Variants in TBC1D30 observed in about 807,000 individuals in gnomAD.
TBC1D30 encodes TBC1 domain family, member 30.
Under a neutral mutation model 63.2 loss-of-function variants are expected in TBC1D30, and 31 were observed. The ratio of observed to expected loss-of-function variants is 0.49; its 90% CI spans 0.37 to 0.66. TBC1D30 has a LOEUF of 0.66. Among genes scored for constraint, TBC1D30 ranks in the 30% least tolerant of loss-of-function variants. The pLI, the probability that TBC1D30 is intolerant of heterozygous loss-of-function variation, is 0.00. For synonymous variants in TBC1D30, 307 were observed against 361.5 expected, an observed-to-expected ratio of 0.85 and a Z score of 1.71; for missense variants, 810 against 953.6, an observed-to-expected ratio of 0.85 and a Z score of 1.98.
In TBC1D30 at chr12:64,824,995, C is replaced by T. The variant is rs1198674124; in HGVS notation, c.116C>T (p.Ser39Phe). The change falls in exon 1 of 12, where the codon TCC (serine) becomes TTC (phenylalanine). Residue 39 changes from serine (S) to phenylalanine (F), a missense_variant. Ser to Phe is a radical substitution (Grantham distance 155, BLOSUM62 -2). Around this residue, in one of 4 missense-constraint regions of TBC1D30, gnomAD observed 272 missense variants for 335.9 expected, o/e 0.81. Transcript: ENST00000539867. ...SNVLKKRSCI[S>F]RTAPRLLCTL... is the part of the protein sequence containing the mutation. The stretch of plus-strand genomic sequence containing the variant: ...GTGCTCAAGAAGCGCAGCTGCATTT[C>T]CCGGACCGCGCCCCGGCTGCTGTGC... 3.9e-6 allele frequency: 6 copies of T among 1,534,248 alleles called. No homozygotes were observed. Among genetic ancestry groups the T allele is most frequent in the South Asian group, 1.2e-5 (1 of 83,836 alleles).
In TBC1D30 at chr12:64,876,621, C is replaced by G. The variant is rs1178435818; in HGVS notation, c.*833C>G. Reference sequence around the variant, plus strand: ...CTCCATGCGGAGCCTGGCCTGCATCCCCCACCACACAGCTCACTCACCCAC... The same window carrying G: ...CTCCATGCGGAGCCTGGCCTGCATCGCCCACCACACAGCTCACTCACCCAC... On this transcript the variant is annotated 3_prime_UTR_variant, in exon 12 of 12. Coordinates refer to ENST00000539867, the MANE Select transcript of TBC1D30 (RefSeq NM_015279.2). 5 of 361,762 alleles carry G rather than the reference C, an allele frequency of 1.4e-5. No homozygotes were observed. In the East Asian group the frequency reaches 3.7e-4, roughly 27 times the overall value. 22.4% of individuals were successfully genotyped at this position (361,762 alleles called of 1,614,324 possible).
At chr12:64,787,988 T>A (rs566364057) in intron 2 of TBC1D30, among the ~76,000 whole-genome samples, 28 of 151,840 alleles carry the variant, frequency 1.8e-4, no homozygotes, top group African/African-American at 6.0e-4. Context: ...GAGCCAAGAT[T>A]GCGCCACTGC....
intron 2 of TBC1D30, among the ~76,000 whole-genome samples, chr12:64,816,711 GTTATA>G (rs1873559614): frequency 6.6e-6 from 1 of 152,324 alleles, no homozygotes; most frequent in South Asian, 2.1e-4. Context: ...GAGGCTGGAT[GTTATA>G]TTATAGTCAC....
chr12:64,851,795 A>G (rs537827381), intron 8 of TBC1D30, among the ~76,000 whole-genome samples: 41 of 152,140 alleles, frequency 2.7e-4, no homozygotes, highest in Admixed American at 4.6e-4. Flanking sequence ...GTTTGGCTGG[A>G]TGTGAGATTC....
At chr12:64,821,105 A>G (rs1873859868), upstream of TBC1D30, among the ~76,000 whole-genome samples, 1 of 152,246 alleles carries the variant, frequency 6.6e-6, no homozygotes, top group Non-Finnish European at 1.5e-5. Context: ...AGGTCTTTTT[A>G]TCAGTCATGA....
intron 9 of TBC1D30, among the ~76,000 whole-genome samples, chr12:64,866,055 A>G (rs1002089677): frequency 6.6e-6 from 1 of 152,148 alleles, no homozygotes; most frequent in African/African-American, 2.4e-5. Flanking sequence ...TTTCTTGCAG[A>G]GACAGAGTCT....
At chr12:64,864,627 G>T in intron 8 of TBC1D30, 41 bp from the exon 9 acceptor site, 1 of 1,314,916 alleles carries the variant, frequency 7.6e-7, no homozygotes, top group Non-Finnish European at 1.1e-6. Context: ...AGTTGTGAAG[G>T]CTACTGTTTC....
chr12:64,773,550 C>G (rs945176622), intron 1 of TBC1D30, among the ~76,000 whole-genome samples: 1 of 152,194 alleles, frequency 6.6e-6, no homozygotes, highest in Non-Finnish European at 1.5e-5. Flanking sequence ...GATCTCCCAA[C>G]TGGGGTCTTC....
At chr12:64,825,387 C>G (rs1006896850) in intron 1 of TBC1D30, 2 of 240,988 alleles carry the variant, frequency 8.3e-6, no homozygotes, top group African/African-American at 4.5e-5. Flanking sequence ...GTTCCAGGCT[C>G]GCAGGAAGCC....
intron 2 of TBC1D30, among the ~76,000 whole-genome samples, chr12:64,819,406 C>CTT (rs55757950): frequency 4.2e-4 from 33 of 78,022 alleles, no homozygotes; most frequent in East Asian, 2.0e-3. Context: ...GAAGGAACTA[C>CTT]TTTTTTTTTT....
At chr12:64,873,344 GA>G (rs1878800821) in intron 11 of TBC1D30, among the ~76,000 whole-genome samples, 1 of 152,316 alleles carries the variant, frequency 6.6e-6, no homozygotes, top group South Asian at 2.1e-4. Context: ...AAAGGGAAAT[GA>G]AAAGATTGTT....
Position 64,876,098 on chromosome 12 carries a change from G to A in TBC1D30, c.*310G>A, listed in dbSNP as rs17223797. 8,591 of 260,942 alleles carry A rather than the reference G, an allele frequency of 0.033. 211 individuals carry two copies. Among genetic ancestry groups the A allele is most frequent in the Admixed American group, 0.071 (1,443 of 20,182 alleles). The allele number at this position is 260,942 out of a possible 1,614,324, so 16.2% of individuals were successfully genotyped here. A position where few individuals can be genotyped will look rare whatever the true frequency, so the allele number is the denominator to read the frequency against. On this transcript the variant is annotated 3_prime_UTR_variant, in exon 12 of 12. Coordinates refer to ENST00000539867, the MANE Select transcript of TBC1D30 (RefSeq NM_015279.2). ...GACTATATCTAGATTGTTAACTCTC[G>A]TCCATCCTTCTGTTCTGGGGGCCTT...
chr12:64,759,525 G>A lies in TBC1D30; in HGVS notation c.-500G>A, dbSNP rs1386968876. 6.1e-6 allele frequency: 3 copies of A among 492,152 alleles called. No individual in the cohort carries two copies. The East Asian group carries it at 9.8e-5, about 16-fold the overall frequency. The allele number at this position is 492,152 out of a possible 1,614,324, so 30.5% of individuals were successfully genotyped here. ...TGGCGCAGCCTGGAGGGAGGCATCAGGCAGTGGCGGAAAAGGGGCGGAGAA... is the reference window on the plus strand; with the variant it reads ...TGGCGCAGCCTGGAGGGAGGCATCAAGCAGTGGCGGAAAAGGGGCGGAGAA... On this transcript the variant is annotated 5_prime_UTR_variant, in exon 1 of 14. Transcript: ENST00000674237.
Position 64,767,080 on chromosome 12 carries a change from A to G in TBC1D30, c.-376+7431A>G, listed in dbSNP as rs1870740144. Among the ~76,000 whole-genome samples the G allele has an allele frequency of 2.0e-5, 3 of 152,126 alleles. No homozygotes were observed. The South Asian group carries it at 6.2e-4, about 31-fold the overall frequency. Reference sequence around the variant, plus strand: ...GAGTAATTTGTGGCTGTAAATGCCTATATTTAAAAAAAGAATGATCTCATA... The same window carrying G: ...GAGTAATTTGTGGCTGTAAATGCCTGTATTTAAAAAAAGAATGATCTCATA... On this transcript the variant is annotated intron_variant, in intron 1 of 13. Transcript: ENST00000674237.
At chr12:64,779,955 G>T (rs1871186238), upstream of TBC1D30, among the ~76,000 whole-genome samples, 1 of 152,166 alleles carries the variant, frequency 6.6e-6, no homozygotes, top group Non-Finnish European at 1.5e-5. Context: ...CAGTGGAGCG[G>T]CAGTTCCGAG....
At chr12:64,861,078 G>A (rs1176436849) in intron 8 of TBC1D30, among the ~76,000 whole-genome samples, 2 of 152,220 alleles carry the variant, frequency 1.3e-5, no homozygotes, top group African/African-American at 4.8e-5. Flanking sequence ...TAAAGCAGAA[G>A]AATCCTAGAG....
Position 64,828,467 on chromosome 12 carries a change from T to C in TBC1D30, c.240T>C (p.Val80=), listed in dbSNP as rs1874557730. The C allele has an allele frequency of 1.3e-6, 2 of 1,535,872 alleles. No homozygotes were observed. Among genetic ancestry groups the C allele is most frequent in the African/African-American group, 2.7e-5 (2 of 73,038 alleles). ...FQQWYDALKA[V]ARLSTGIPKE... is the part of the protein sequence containing the mutation. Reference sequence around the variant, plus strand: ...AGTGGTACGATGCTCTCAAGGCAGTTGCCAGGCTATCCACAGGAATACCAA... The same window carrying C: ...AGTGGTACGATGCTCTCAAGGCAGTCGCCAGGCTATCCACAGGAATACCAA... The change falls in exon 3 of 12, where the codon GTT becomes GTC. Residue 80 remains valine, a synonymous_variant. Coordinates refer to ENST00000539867, the MANE Select transcript of TBC1D30 (RefSeq NM_015279.2).
chr12:64,864,884 A>G (rs1415620474), intron 9 of TBC1D30, 104 bp downstream of exon 9: 1 of 779,326 alleles, frequency 1.3e-6, no homozygotes, highest in African/African-American at 1.8e-5. Flanking sequence ...TGTTAAAGTA[A>G]GTTGACACTT....
chr12:64,820,232 A>G (rs116883817), upstream of TBC1D30, among the ~76,000 whole-genome samples: 1,013 of 152,288 alleles, frequency 6.7e-3, 10 homozygotes, highest in Non-Finnish European at 9.8e-3. Flanking sequence ...GCCCCTTGGG[A>G]CATAGTTTTT....
Sources: allele counts gnomAD v4.1 joint callset (sites outside exome capture counted in the v4.1 genomes callset), GRCh38; gene constraint gnomAD v4.1.1; regional missense constraint gnomAD v4.1.1; transcripts MANE v1.5; gene names NCBI Gene and HGNC (gene_info 2026-07-23, HGNC 2026-07-21).